Variants in GXYLT1 observed in about 807,000 individuals in gnomAD.
GXYLT1 encodes the protein glucoside xylosyltransferase 1.
A neutral mutation model predicts 54.0 loss-of-function variants in GXYLT1; 29 were observed. The ratio of observed to expected loss-of-function variants is 0.54; its 90% confidence interval spans 0.40 to 0.73. The LOEUF (loss-of-function observed/expected upper bound fraction) is 0.73. Among genes scored for constraint, GXYLT1 ranks in the 30% least tolerant of loss-of-function variants. The pLI is 0.00. For synonymous variants in GXYLT1, 176 were observed against 204.1 expected (o/e 0.86, Z 1.17); for missense variants, 490 against 553.4 (o/e 0.89, Z 1.15).
chr12:42,141,754 T>C (rs930281563), intron 1 of GXYLT1, among the ~76,000 whole-genome samples: 2 of 152,192 alleles, frequency 1.3e-5, no homozygotes, highest in Non-Finnish European at 2.9e-5. Flanking sequence ...TGACACAATT[T>C]AGGCAAAGTC....
chr12:42,099,820 C>T (rs147653145), intron 5 of GXYLT1, among the ~76,000 whole-genome samples: 101 of 152,152 alleles, frequency 6.6e-4, no homozygotes, highest in African/African-American at 2.3e-3. Flanking sequence ...CACTGCACTC[C>T]GGCATGGGTA....
chr12:42,126,810 G>C (rs1336063553), intron 2 of GXYLT1, among the ~76,000 whole-genome samples: 3 of 151,266 alleles, frequency 2.0e-5, no homozygotes. Flanking sequence ...AGCCCAGGAG[G>C]CAGCGGTTGC....
chr12:42,110,918 T>G (rs942036879), intron 3 of GXYLT1, among the ~76,000 whole-genome samples: 1 of 152,220 alleles, frequency 6.6e-6, no homozygotes, highest in African/African-American at 2.4e-5. Context: ...ACATTCTCAG[T>G]GATTATTACA....
intron 7 of GXYLT1, among the ~76,000 whole-genome samples, chr12:42,090,114 G>A (rs200476074): frequency 2.7e-5 from 4 of 150,872 alleles, no homozygotes; most frequent in Admixed American, 6.6e-5. Context: ...TTCTTCACTG[G>A]AAAAAAAAAG....
chr12:42,086,930 C>G lies in GXYLT1; in HGVS notation c.*856G>C, dbSNP rs1387595200. 2 of 152,088 alleles carry G rather than the reference C, an allele frequency of 1.3e-5. No homozygotes were observed. Among genetic ancestry groups the G allele is most frequent in the African/African-American group, 4.8e-5 (2 of 41,402 alleles). 9.4% of individuals were successfully genotyped at this position (152,088 alleles called of 1,614,324 possible). Reference sequence around the variant, plus strand: ...CACACTTTCCACCATCATGAGTATACTCTTAAGGTTCTCACTTTACCATCA... The same window carrying G: ...CACACTTTCCACCATCATGAGTATAGTCTTAAGGTTCTCACTTTACCATCA... On this transcript the variant is annotated 3_prime_UTR_variant, in exon 8 of 8. Transcript: ENST00000398675.
chr12:42,097,654 T>A, intron 6 of GXYLT1, 40 bp from the exon 7 acceptor site: 1 of 1,522,652 alleles, frequency 6.6e-7, no homozygotes, highest in Non-Finnish European at 9.0e-7. Context: ...CAAATACCCC[T>A]AATTCCACAG....
chr12:42,090,097 T>C (rs571103037), intron 7 of GXYLT1, among the ~76,000 whole-genome samples: 1 of 106,812 alleles, frequency 9.4e-6, no homozygotes, highest in Non-Finnish European at 1.9e-5. Flanking sequence ...GGTTAAAAAA[T>C]GTTTTCTTCT....
At chr12:42,129,651 A>T in intron 2 of GXYLT1, 108 bp downstream of exon 2, 1 of 644,172 alleles carries the variant, frequency 1.6e-6, no homozygotes, top group Non-Finnish European at 2.6e-6. Flanking sequence ...AAAATAAATT[A>T]TTTGTATAAT....
chr12:42,126,900 T>A (rs1367089494), intron 2 of GXYLT1, among the ~76,000 whole-genome samples: 3 of 148,036 alleles, frequency 2.0e-5, no homozygotes, highest in Admixed American at 6.7e-5. Flanking sequence ...AAAAAAAAAA[T>A]TCAAGATTAG....
At chr12:42,096,118 G>A (rs190028011) in intron 7 of GXYLT1, among the ~76,000 whole-genome samples, 1 of 152,286 alleles carries the variant, frequency 6.6e-6, no homozygotes, top group East Asian at 1.9e-4. Flanking sequence ...GAAGAGCCTT[G>A]GAAGAATGGC....
At chr12:42,133,146 C>T (rs7963355) in intron 1 of GXYLT1, among the ~76,000 whole-genome samples, 1 of 152,010 alleles carries the variant, frequency 6.6e-6, no homozygotes, top group Non-Finnish European at 1.5e-5. Flanking sequence ...GGTGTGGTGG[C>T]GGTTGCCTGT....
chr12:42,088,011 T>C (rs1335389107), intron 7 of GXYLT1, 64 bp from the exon 8 acceptor site: 3 of 747,728 alleles, frequency 4.0e-6, no homozygotes, highest in Non-Finnish European at 6.1e-6. Context: ...GTAAGTTCAA[T>C]TATTTTCCAA....
At chr12:42,115,339 T>C (rs12322344) in intron 3 of GXYLT1, among the ~76,000 whole-genome samples, 2,302 of 152,280 alleles carry the variant, frequency 0.015, 58 homozygotes, top group African/African-American at 0.053. Context: ...GGAAGTCAAA[T>C]TGTTCCTGTT....
intron 7 of GXYLT1, among the ~76,000 whole-genome samples, chr12:42,090,587 T>G (rs767824606): frequency 5.3e-5 from 8 of 152,210 alleles, no homozygotes; most frequent in Non-Finnish European, 8.8e-5. Context: ...TTGAACGACA[T>G]GAAATAGTGA....
At chr12:42,114,719 C>T (rs895270726) in intron 3 of GXYLT1, among the ~76,000 whole-genome samples, 8 of 152,294 alleles carry the variant, frequency 5.3e-5, no homozygotes, top group African/African-American at 1.9e-4. Context: ...GAGCTGGTAC[C>T]ATTCCTTCTG....
intron 1 of GXYLT1, among the ~76,000 whole-genome samples, chr12:42,133,203 AG>A (rs1040714835): frequency 5.3e-5 from 8 of 152,078 alleles, no homozygotes; most frequent in African/African-American, 1.9e-4. Context: ...GCTTGAACCC[AG>A]GAGGCGGAGG....
chr12:42,093,257 C>A (rs959791200), intron 7 of GXYLT1, among the ~76,000 whole-genome samples: 3 of 152,124 alleles, frequency 2.0e-5, no homozygotes, highest in Admixed American at 1.3e-4. Flanking sequence ...GCCACGATGC[C>A]TGGCTAATTT....
chr12:42,103,652 T>C (rs910404113), intron 5 of GXYLT1, among the ~76,000 whole-genome samples: 1 of 152,174 alleles, frequency 6.6e-6, no homozygotes, highest in African/African-American at 2.4e-5. Flanking sequence ...AATAAAATAT[T>C]TGAAAACAAA....
At chr12:42,098,725 T>A (rs1031400987) in intron 5 of GXYLT1, among the ~76,000 whole-genome samples, 1 of 143,400 alleles carries the variant, frequency 7.0e-6, no homozygotes, top group Non-Finnish European at 1.5e-5. Context: ...TCTTTCTACT[T>A]ATTTAAGTGT....
Sources: gnomAD v4.1 joint callset for allele counts (sites outside exome capture counted in the v4.1 genomes callset) on GRCh38, gnomAD v4.1.1 for gene constraint, MANE v1.5 for transcripts, NCBI Gene and HGNC (gene_info 2026-07-23, HGNC 2026-07-21) for gene names.